PDE6D: variants seen among roughly 807,000 people sequenced by gnomAD.
The protein encoded by PDE6D is retinal rod rhodopsin-sensitive cGMP 3',5'-cyclic phosphodiesterase subunit delta.
A neutral mutation model predicts 21.9 loss-of-function variants in PDE6D; 10 were observed. The ratio of observed to expected loss-of-function variants is 0.46; its 90% CI spans 0.28 to 0.78. The LOEUF is 0.78. Among genes scored for constraint, PDE6D ranks in the 30% least tolerant of loss-of-function variants. PDE6D has a pLI of 0.12. For synonymous variants in PDE6D, 59 were observed against 63.5 expected (o/e 0.93, Z 0.34); for missense variants, 139 against 184.8 (o/e 0.75, Z 1.44).
At chr2:231,751,162 TTTTC>T (rs1417888004) in intron 1 of PDE6D, among the ~76,000 whole-genome samples, 2 of 152,082 alleles carry the variant, frequency 1.3e-5, no homozygotes, top group East Asian at 1.9e-4. Context: ...AGAATAGTTT[TTTTC>T]TTTTTTTTGA....
chr2:231,743,635 T>C (rs1209157762), intron 1 of PDE6D, among the ~76,000 whole-genome samples: 1 of 151,980 alleles, frequency 6.6e-6, no homozygotes, highest in Non-Finnish European at 1.5e-5. Flanking sequence ...TCTCCTTCTA[T>C]GCTCAATACA....
chr2:231,732,919 C>A lies in PDE6D; in HGVS notation c.*33G>T. The A allele has an allele frequency of 1.4e-6, 2 of 1,472,450 alleles. No individual in the cohort carries two copies. The highest frequency in any genetic ancestry group is 1.9e-6 in the Non-Finnish European group (2 of 1,059,806). 91.2% of individuals were successfully genotyped at this position (1,472,450 alleles called of 1,614,324 possible). On this transcript the variant is annotated 3_prime_UTR_variant, in exon 5 of 5. Transcript: ENST00000287600. ...ACAGTTTCCTCCTCCCTCCAAAAAA[C>A]CCAAATTCTTGAAATGTACACACAT...
chr2:231,742,717 A>G (rs1197585073), intron 1 of PDE6D, among the ~76,000 whole-genome samples: 1 of 152,130 alleles, frequency 6.6e-6, no homozygotes, highest in Non-Finnish European at 1.5e-5. Context: ...CCCAAAGAAG[A>G]GAGTCTCTAC....
At chr2:231,741,140 G>T (rs1406608629) in intron 1 of PDE6D, among the ~76,000 whole-genome samples, 1 of 143,446 alleles carries the variant, frequency 7.0e-6, no homozygotes, top group Non-Finnish European at 1.5e-5. Context: ...AAAAAAAAAG[G>T]GTGTAGCAAA....
At chr2:231,740,578 G>A (rs549877551) in intron 1 of PDE6D, among the ~76,000 whole-genome samples, 6 of 151,638 alleles carry the variant, frequency 4.0e-5, no homozygotes, top group Non-Finnish European at 7.4e-5. Context: ...CTACTCTGGA[G>A]GCTGAGGTGA....
chr2:231,740,688 A>G (rs1277661616), intron 1 of PDE6D, among the ~76,000 whole-genome samples: 244 of 128,922 alleles, frequency 1.9e-3, no homozygotes, highest in Non-Finnish European at 3.2e-3. Context: ...CTCAAAAAAA[A>G]AAAAAAAAAA....
chr2:231,742,904 G>C (rs2048761516), intron 1 of PDE6D, among the ~76,000 whole-genome samples: 1 of 152,188 alleles, frequency 6.6e-6, no homozygotes, highest in African/African-American at 2.4e-5. Flanking sequence ...TCTTCAGGGT[G>C]GGGGCAGCAG....
intron 1 of PDE6D, among the ~76,000 whole-genome samples, chr2:231,754,419 C>T (rs888475427): frequency 2.1e-5 from 3 of 144,732 alleles, no homozygotes; most frequent in Non-Finnish European, 3.0e-5. Context: ...TGCAGTGGTG[C>T]GATCTCAGCT....
At chr2:231,749,361 C>T (rs1256551052) in intron 1 of PDE6D, among the ~76,000 whole-genome samples, 1 of 152,092 alleles carries the variant, frequency 6.6e-6, no homozygotes, top group Non-Finnish European at 1.5e-5. Context: ...TTTGTTTTGG[C>T]CAATTTCTCC....
intron 1 of PDE6D, among the ~76,000 whole-genome samples, chr2:231,762,239 T>C (rs150563607): frequency 6.6e-6 from 1 of 152,200 alleles, no homozygotes; most frequent in Non-Finnish European, 1.5e-5. Flanking sequence ...CCATTGAGTA[T>C]AGCTATGTGT....
rs62197251 is a variant in PDE6D, at chr2:231,765,529, G to A, written c.50+15536C>T. 9.9e-3 allele frequency among the ~76,000 whole-genome samples: 1,509 copies of A among 152,204 alleles called. 26 individuals carry two copies. The highest frequency in any genetic ancestry group is 0.051 in the South Asian group (243 of 4,810). On this transcript the variant is annotated intron_variant, in intron 1 of 4. Coordinates refer to ENST00000287600, the MANE Select transcript of PDE6D (RefSeq NM_002601.4). Reference sequence around the variant, plus strand: ...GGCATGTGGCTCTGAGTAATTTCCAGGTAAGTATATTTTTCAGGCAAAATG... The same window carrying A: ...GGCATGTGGCTCTGAGTAATTTCCAAGTAAGTATATTTTTCAGGCAAAATG...
chr2:231,753,318 T>C (rs2048857213), intron 1 of PDE6D, among the ~76,000 whole-genome samples: 1 of 149,532 alleles, frequency 6.7e-6, no homozygotes, highest in Non-Finnish European at 1.5e-5. Flanking sequence ...GGTCAGGAGA[T>C]CAAGACCATC....
In PDE6D at chr2:231,733,051, A is replaced by C; in HGVS notation, c.372-18T>G. ...CGTTCCCACTGTAAGTAAGAAGAGA[A>C]ACAGAGGGCAAAAGAGAGTGAGCAT... is the stretch of plus-strand genomic sequence containing the variant. On this transcript the variant is annotated intron_variant, in intron 4 of 4. Coordinates refer to ENST00000287600, the MANE Select transcript of PDE6D (RefSeq NM_002601.4). 2 of 1,493,478 alleles carry C rather than the reference A, an allele frequency of 1.3e-6. No individual in the cohort carries two copies. 92.5% of individuals were successfully genotyped at this position (1,493,478 alleles called of 1,614,324 possible).
At position 231,737,176 on chromosome 2, in the gene PDE6D, T is replaced by G. The variant is rs1332776231; in HGVS notation, c.371+11A>C. On this transcript the variant is annotated intron_variant, in intron 4 of 4. Transcript: ENST00000287600. ...ACACACTTCATAATTTCCTGAGACCTGCTCACTCACGTTAAGACGCTTGCT... is the reference window on the plus strand; with the variant it reads ...ACACACTTCATAATTTCCTGAGACCGGCTCACTCACGTTAAGACGCTTGCT... 1 of 1,519,438 alleles carries G rather than the reference T, an allele frequency of 6.6e-7. No homozygotes were observed. The allele number at this position is 1,519,438 out of a possible 1,614,324, so 94.1% of individuals were successfully genotyped here.
chr2:231,780,070 T>C (rs774051577), intron 1 of PDE6D, among the ~76,000 whole-genome samples: 13 of 152,192 alleles, frequency 8.5e-5, no homozygotes, highest in East Asian at 1.9e-4. Context: ...AATGGAAAAT[T>C]TGAATATCCA....
intron 1 of PDE6D, among the ~76,000 whole-genome samples, chr2:231,752,436 C>T (rs2048846753): frequency 6.6e-6 from 1 of 152,104 alleles, no homozygotes; most frequent in Non-Finnish European, 1.5e-5. Flanking sequence ...TTATAAAACA[C>T]GATATAAGCA....
rs2048663491 is a variant in PDE6D, at chr2:231,732,929, T to C, written c.*23A>G. On this transcript the variant is annotated 3_prime_UTR_variant, in exon 5 of 5. Coordinates refer to ENST00000287600, the MANE Select transcript of PDE6D (RefSeq NM_002601.4). ...CCTCCCTCCAAAAAACCCAAATTCT[T>C]GAAATGTACACACATTCTTCTTTCA... 6.5e-7 allele frequency: 1 copy of C among 1,531,706 alleles called. No individual in the cohort carries two copies. The highest frequency in any genetic ancestry group is 9.0e-7 in the Non-Finnish European group (1 of 1,113,354). The allele number at this position is 1,531,706 out of a possible 1,614,324, so 94.9% of individuals were successfully genotyped here.
intron 1 of PDE6D, among the ~76,000 whole-genome samples, chr2:231,761,485 A>G (rs890852551): frequency 6.6e-6 from 1 of 152,210 alleles, no homozygotes; most frequent in African/African-American, 2.4e-5. Context: ...CTATGAATCA[A>G]TAATTCTTAA....
intron 1 of PDE6D, among the ~76,000 whole-genome samples, chr2:231,747,760 C>T (rs956570027): frequency 6.6e-6 from 1 of 152,200 alleles, no homozygotes; most frequent in African/African-American, 2.4e-5. Context: ...ACACTAATAC[C>T]TCTTCTCACC....
Sources: allele counts gnomAD v4.1 joint callset (sites outside exome capture counted in the v4.1 genomes callset), GRCh38; gene constraint gnomAD v4.1.1; transcripts MANE v1.5; gene names NCBI Gene and HGNC (gene_info 2026-07-23, HGNC 2026-07-21).